Variants in PDE4D observed in about 807,000 individuals in gnomAD.
PDE4D encodes the protein phosphodiesterase 4D.
A neutral mutation model predicts 87.4 loss-of-function variants in PDE4D; 24 were observed. That is an observed-to-expected ratio of 0.27 (90% CI 0.20 to 0.39). The LOEUF (loss-of-function observed/expected upper bound fraction) is 0.39, where lower values mean the gene tolerates loss of function less well. Ranked by LOEUF, PDE4D falls within the 10% of genes least tolerant of loss-of-function variation. The pLI, the probability that PDE4D is intolerant of heterozygous loss-of-function variation, is 1.00. For missense variants in PDE4D, 714 were observed against 1,041.0 expected (o/e 0.69, Z 4.32); for synonymous variants, 384 against 383.2 (o/e 1.00, Z -0.02).
chr5:60,081,491 G>T (rs536701377), intron 2 of PDE4D, among the ~76,000 whole-genome samples: 2 of 151,964 alleles, frequency 1.3e-5, no homozygotes, highest in African/African-American at 2.4e-5. Context: ...TTAGGGTGTC[G>T]ATTTGAGATA....
At chr5:60,169,582 G>C (rs911602209) in intron 2 of PDE4D, among the ~76,000 whole-genome samples, 1 of 151,828 alleles carries the variant, frequency 6.6e-6, no homozygotes, top group East Asian at 1.9e-4. Flanking sequence ...GCTGAATAAA[G>C]GCAAGAGATG....
At chr5:59,457,797 G>C (rs569464707) in intron 1 of PDE4D, among the ~76,000 whole-genome samples, 3 of 152,268 alleles carry the variant, frequency 2.0e-5, no homozygotes, top group Admixed American at 6.5e-5. Context: ...TTGGGAGGCT[G>C]AGGCAGGAAA....
chr5:59,410,447 A>T (rs976190506), intron 1 of PDE4D, among the ~76,000 whole-genome samples: 3 of 152,042 alleles, frequency 2.0e-5, no homozygotes, highest in Non-Finnish European at 4.4e-5. Context: ...GGGTTTCATT[A>T]TGTTGGCCAT....
intron 5 of PDE4D, among the ~76,000 whole-genome samples, chr5:59,150,349 G>C (rs1388149757): frequency 1.3e-5 from 2 of 152,134 alleles, no homozygotes; most frequent in Admixed American, 6.6e-5. Flanking sequence ...GATCCATTCT[G>C]ACAGACTTTT....
intron 3 of PDE4D, among the ~76,000 whole-genome samples, chr5:59,984,498 C>T (rs1179287658): frequency 6.6e-6 from 1 of 152,156 alleles, no homozygotes. Context: ...TGCTAAATCA[C>T]AGCATACACA....
intron 5 of PDE4D, among the ~76,000 whole-genome samples, chr5:59,131,196 C>CT (rs1229392308): frequency 1.3e-5 from 2 of 152,202 alleles, no homozygotes; most frequent in Non-Finnish European, 2.9e-5. Context: ...TATGCTCTCA[C>CT]AGCAATTTGT....
intron 2 of PDE4D, among the ~76,000 whole-genome samples, chr5:60,079,284 C>A (rs138581387): frequency 6.7e-6 from 1 of 148,250 alleles, no homozygotes; most frequent in East Asian, 2.2e-4. Flanking sequence ...GGGCATTAGA[C>A]CTTTGTCAGA....
intron 6 of PDE4D, among the ~76,000 whole-genome samples, chr5:59,013,134 T>G (rs1281397596): frequency 2.6e-5 from 4 of 152,146 alleles, no homozygotes; most frequent in African/African-American, 9.7e-5. Context: ...AGAATCTCTG[T>G]GACACATTTA....
chr5:59,592,439 A>G (rs1282158976), intron 1 of PDE4D, among the ~76,000 whole-genome samples: 1 of 152,192 alleles, frequency 6.6e-6, no homozygotes, highest in East Asian at 1.9e-4. Context: ...CCCAGGGTAC[A>G]ATCACCAATT....
intron 1 of PDE4D, among the ~76,000 whole-genome samples, chr5:60,345,059 T>C (rs1460495023): frequency 6.6e-6 from 1 of 152,042 alleles, no homozygotes; most frequent in East Asian, 1.9e-4. Flanking sequence ...TATATACGTA[T>C]TACATACACG....
At chr5:59,779,725 A>T (rs1764419980) in intron 1 of PDE4D, among the ~76,000 whole-genome samples, 1 of 152,168 alleles carries the variant, frequency 6.6e-6, no homozygotes, top group African/African-American at 2.4e-5. Context: ...TTCATATTTC[A>T]TTTAGCCATT....
intron 1 of PDE4D, chr5:59,314,371 T>C (rs375186576): frequency 1.3e-5 from 2 of 152,128 alleles, no homozygotes; most frequent in African/African-American, 4.8e-5. Context: ...CTTGGCCTTA[T>C]AATGGTAGGG....
At chr5:59,988,825 C>A in intron 2 of PDE4D, 1 of 568,646 alleles carries the variant, frequency 1.8e-6, no homozygotes, top group Non-Finnish European at 3.0e-6. Flanking sequence ...AAAATGTATA[C>A]ATGAAAAATG....
intron 2 of PDE4D, among the ~76,000 whole-genome samples, chr5:60,152,043 T>C (rs1781554650): frequency 1.3e-5 from 2 of 152,224 alleles, no homozygotes; most frequent in South Asian, 4.1e-4. Flanking sequence ...TGTGATGTAG[T>C]ACATTAATTG....
At chr5:59,007,462 T>G (rs1248177054) in intron 6 of PDE4D, among the ~76,000 whole-genome samples, 1 of 152,182 alleles carries the variant, frequency 6.6e-6, no homozygotes, top group African/African-American at 2.4e-5. Context: ...TCAGCCTCCC[T>G]TTGCTTTCAA....
intron 1 of PDE4D, among the ~76,000 whole-genome samples, chr5:59,414,765 AGGG>A (rs1793302283): frequency 6.6e-6 from 1 of 152,264 alleles, no homozygotes; most frequent in African/African-American, 2.4e-5. Context: ...TAGTCTGTGT[AGGG>A]CTTAGAGCCC....
At position 59,560,639 on chromosome 5, in the gene PDE4D, A is replaced by G. The variant is rs574650148; in HGVS notation, c.455+332529T>C. On this transcript the variant is annotated intron_variant, in intron 1 of 14. Coordinates refer to ENST00000340635, the MANE Select transcript of PDE4D (RefSeq NM_001104631.2). ...AGAGGAGAGAGCAGAGCACTGGTCC[A>G]GTTCTCAGGTCTGGGGCCTGGAGGA... is the stretch of plus-strand genomic sequence containing the variant. Among the ~76,000 whole-genome samples, 11 of 152,352 alleles carry G rather than the reference A, an allele frequency of 7.2e-5. No individual in the cohort carries two copies. In the South Asian group the frequency reaches 2.3e-3, roughly 32 times the overall value.
chr5:59,822,512 T>A (rs976067202), intron 1 of PDE4D, among the ~76,000 whole-genome samples: 6 of 152,182 alleles, frequency 3.9e-5, no homozygotes, highest in African/African-American at 1.4e-4. Context: ...TATCTTAGCT[T>A]TTAGAAAAAG....
chr5:60,141,700 C>G (rs76010979), intron 2 of PDE4D, among the ~76,000 whole-genome samples: 4,832 of 152,170 alleles, frequency 0.032, 247 homozygotes, highest in African/African-American at 0.11. Context: ...TCCTGTGGAC[C>G]TAGGACATTG....
Sources: gnomAD v4.1 joint callset for allele counts (sites outside exome capture counted in the v4.1 genomes callset) on GRCh38, gnomAD v4.1.1 for gene constraint, MANE v1.5 for transcripts, NCBI Gene and HGNC (gene_info 2026-07-23, HGNC 2026-07-21) for gene names.